MGST1: variants seen among roughly 807,000 people sequenced by gnomAD.
MGST1 encodes the protein glutathione S-transferase 12.
A neutral mutation model predicts 8.9 loss-of-function variants in MGST1; 5 were observed. That is an observed-to-expected ratio of 0.56 (90% CI 0.29 to 1.19). The LOEUF (loss-of-function observed/expected upper bound fraction) is 1.19. Among genes scored for constraint, MGST1 ranks in the 50% most tolerant of loss-of-function variants. The pLI is 0.08. For missense variants in MGST1, 182 were observed against 187.4 expected (o/e 0.97, Z 0.17); for synonymous variants, 54 against 67.8 (o/e 0.80, Z 1.00).
intron 4 of MGST1, among the ~76,000 whole-genome samples, chr12:16,563,936 T>C (rs1942494797): frequency 6.6e-6 from 1 of 152,208 alleles, no homozygotes; most frequent in Non-Finnish European, 1.5e-5. Context: ...GGGCTAGATT[T>C]TTCCCTATCA....
At chr12:16,532,422 G>C (rs760465237) in intron 4 of MGST1, among the ~76,000 whole-genome samples, 2 of 152,136 alleles carry the variant, frequency 1.3e-5, no homozygotes, top group African/African-American at 2.4e-5. Context: ...AAAAACTTCA[G>C]ATTGGACTAA....
chr12:16,414,371 T>G (rs1223876163), intron 1 of MGST1, among the ~76,000 whole-genome samples: 1 of 150,088 alleles, frequency 6.7e-6, no homozygotes, highest in African/African-American at 2.4e-5. Flanking sequence ...TTTTTTTTTT[T>G]TTTTTAGGCC....
chr12:16,459,355 G>T (rs1941202411), intron 4 of MGST1, among the ~76,000 whole-genome samples: 1 of 151,926 alleles, frequency 6.6e-6, no homozygotes, highest in South Asian at 2.1e-4. Context: ...CTTTAACTTG[G>T]TACAATGTGG....
Position 16,586,275 on chromosome 12 carries a change from A to G in MGST1, n.483-3253A>G, listed in dbSNP as rs1338342040. On this transcript the variant is annotated intron_variant and non_coding_transcript_variant, in intron 4 of 4. Coordinates refer to the MGST1 transcript ENST00000538857. This position sits in a 1 kb window ranked among gnomAD's most constrained non-coding sequence, Gnocchi z 4.3. ...TTTGAAGTTGTAATCTCTGGCAAGA[A>G]CACAGAGTGTTAAGATGTCATGATA... Among the ~76,000 whole-genome samples, 3 of 152,248 alleles carry G rather than the reference A, an allele frequency of 2.0e-5. No individual in the cohort carries two copies. The highest frequency in any genetic ancestry group is 6.5e-5 in the Admixed American group (1 of 15,280).
Position 16,497,870 on chromosome 12 carries a change from G to C in MGST1, n.483-91658G>C, listed in dbSNP as rs896713156. ...ACATCTGTCCCCCAGAAATTCCGGA[G>C]TAGGGCTCAGGAATCTGCATTTCTA... On this transcript the variant is annotated intron_variant and non_coding_transcript_variant, in intron 4 of 4. Transcript: ENST00000538857. The surrounding 1 kb of genome is among the most constrained non-coding windows in gnomAD (Gnocchi z 4.4). 2.2e-4 allele frequency among the ~76,000 whole-genome samples: 33 copies of C among 152,178 alleles called. No individual in the cohort carries two copies. Among genetic ancestry groups the C allele is most frequent in the African/African-American group, 7.5e-4 (31 of 41,450 alleles).
downstream of MGST1, among the ~76,000 whole-genome samples, chr12:16,365,135 T>G (rs1940161828): frequency 6.6e-6 from 1 of 152,146 alleles, no homozygotes; most frequent in Non-Finnish European, 1.5e-5. Context: ...CCTTTTATTT[T>G]TATAATCATA....
chr12:16,523,074 A>C (rs1464534957), intron 4 of MGST1, among the ~76,000 whole-genome samples: 1 of 152,076 alleles, frequency 6.6e-6, no homozygotes, highest in Non-Finnish European at 1.5e-5. Context: ...CTGAAAACAA[A>C]ATAAAAGTAA....
chr12:16,416,688 C>T (rs558919560), intron 1 of MGST1, among the ~76,000 whole-genome samples: 2 of 152,232 alleles, frequency 1.3e-5, no homozygotes, highest in East Asian at 3.9e-4. Context: ...TTTTAGTATA[C>T]ACATTTTGGG....
At chr12:16,435,103 T>A (rs1295801511) in intron 1 of MGST1, among the ~76,000 whole-genome samples, 1 of 152,034 alleles carries the variant, frequency 6.6e-6, no homozygotes, top group Admixed American at 6.6e-5. Flanking sequence ...ACAACTGCTA[T>A]ATGCCAATGT....
intron 4 of MGST1, among the ~76,000 whole-genome samples, chr12:16,508,115 C>T (rs1339529013): frequency 6.6e-6 from 1 of 152,112 alleles, no homozygotes. Context: ...TATAAGCAAC[C>T]TGATGGCAGG....
chr12:16,440,340 C>G (rs969783529), downstream of MGST1, among the ~76,000 whole-genome samples: 1 of 151,690 alleles, frequency 6.6e-6, no homozygotes, highest in Non-Finnish European at 1.5e-5. Flanking sequence ...CTCCATGTGA[C>G]AGCCACTCAA....
intron 1 of MGST1, among the ~76,000 whole-genome samples, chr12:16,428,284 A>T (rs1403105193): frequency 6.6e-6 from 1 of 151,164 alleles, no homozygotes; most frequent in East Asian, 1.9e-4. Flanking sequence ...ATCTACTTTT[A>T]ATCTCTTATA....
At chr12:16,502,648 A>G (rs965603994) in intron 4 of MGST1, among the ~76,000 whole-genome samples, 1 of 152,222 alleles carries the variant, frequency 6.6e-6, no homozygotes, top group Non-Finnish European at 1.5e-5. Flanking sequence ...ACGTATCAAA[A>G]AACACTGAAG....
In MGST1 at chr12:16,548,037, A is replaced by G. The variant is rs1941852935; in HGVS notation, n.483-41491A>G. Among the ~76,000 whole-genome samples the G allele has an allele frequency of 6.6e-6, 1 of 152,232 alleles. No homozygotes were observed. Among genetic ancestry groups the G allele is most frequent in the Non-Finnish European group, 1.5e-5 (1 of 68,042 alleles). On this transcript the variant is annotated intron_variant and non_coding_transcript_variant, in intron 4 of 4. Coordinates refer to the MGST1 transcript ENST00000538857. The surrounding 1 kb of genome is among the most constrained non-coding windows in gnomAD (Gnocchi z 4.2). ...AGTTTCCTGTTTTAATTCATTATAC[A>G]GAATAGAAAATTTGAAATTTAATCT...
chr12:16,566,765 TATAA>T (rs1388542182), intron 4 of MGST1, among the ~76,000 whole-genome samples: 1 of 152,188 alleles, frequency 6.6e-6, no homozygotes, highest in Non-Finnish European at 1.5e-5. Flanking sequence ...AAGTTCAACG[TATAA>T]ATATATACAT....
At chr12:16,483,134 A>G (rs1308048668) in intron 4 of MGST1, among the ~76,000 whole-genome samples, 1 of 152,230 alleles carries the variant, frequency 6.6e-6, no homozygotes, top group African/African-American at 2.4e-5. Flanking sequence ...ACAGCCTGCT[A>G]AAATCATTCA....
At position 16,582,574 on chromosome 12, in the gene MGST1, C is replaced by T. The variant is rs1375680864; in HGVS notation, n.483-6954C>T. 2.0e-5 allele frequency among the ~76,000 whole-genome samples: 3 copies of T among 152,074 alleles called. No individual in the cohort carries two copies. The highest frequency in any genetic ancestry group is 1.3e-4 in the Admixed American group (2 of 15,262). On this transcript the variant is annotated intron_variant and non_coding_transcript_variant, in intron 4 of 4. Coordinates refer to the MGST1 transcript ENST00000538857. This position sits in a 1 kb window ranked among gnomAD's most constrained non-coding sequence, Gnocchi z 4.1. ...AGTGGCTAGATATACATTGCTTAAG[C>T]TTGTTGGAGAGTAATGGGCTACGGG...
At position 16,560,591 on chromosome 12, in the gene MGST1, G is replaced by C; in HGVS notation, n.483-28937G>C. The C allele has an allele frequency of 6.6e-7, 1 of 1,513,204 alleles. No homozygotes were observed. The highest frequency in any genetic ancestry group is 2.3e-5 in the East Asian group (1 of 43,924). The allele number at this position is 1,513,204 out of a possible 1,614,324, so 93.7% of individuals were successfully genotyped here. A position where few individuals can be genotyped will look rare whatever the true frequency, so the allele number is the denominator to read the frequency against. Reference sequence around the variant, plus strand: ...TACAAACTCTTACAGAGAAATCTGAGATCGTGAAGAGAGATGATGTTAATA... The same window carrying C: ...TACAAACTCTTACAGAGAAATCTGACATCGTGAAGAGAGATGATGTTAATA... On this transcript the variant is annotated intron_variant and non_coding_transcript_variant, in intron 4 of 4. Transcript: ENST00000538857. This position sits in a 1 kb window ranked among gnomAD's most constrained non-coding sequence, Gnocchi z 5.0.
At chr12:16,441,766 G>A (rs1048172983), downstream of MGST1, among the ~76,000 whole-genome samples, 1 of 151,780 alleles carries the variant, frequency 6.6e-6, no homozygotes, top group Non-Finnish European at 1.5e-5. Flanking sequence ...TTGATTCCAA[G>A]TTCTGGCAAT....
Sources: gnomAD v4.1 joint callset for allele counts (sites outside exome capture counted in the v4.1 genomes callset) on GRCh38, gnomAD v4.1.1 for gene constraint, Gnocchi (gnomAD v3.1) non-coding constraint, MANE v1.5 for transcripts, NCBI Gene and HGNC (gene_info 2026-07-23, HGNC 2026-07-21) for gene names.